CCDC62: variants seen among roughly 807,000 people sequenced by gnomAD.
CCDC62 encodes coiled-coil domain containing 62.
In CCDC62, 72 loss-of-function variants were observed where a neutral mutation model predicts 80.8. The ratio of observed to expected loss-of-function variants is 0.89; its 90% confidence interval spans 0.74 to 1.08. The LOEUF (loss-of-function observed/expected upper bound fraction) is 1.08. Among genes scored for constraint, CCDC62 ranks in the 50% least tolerant of loss-of-function variants. CCDC62 has a pLI of 0.00. For missense variants in CCDC62, 704 were observed against 809.4 expected, an observed-to-expected ratio of 0.87 and a Z score of 1.58; for synonymous variants, 286 against 296.5, an observed-to-expected ratio of 0.96 and a Z score of 0.36.
Position 122,813,199 on chromosome 12 carries a change from A to G in CCDC62, c.1852-71A>G. ...GAGCAAGAGAAAGAAAAAAGAAAAC[A>G]ATATTCCTAGGTAGTTAGCATTTGT... On this transcript the variant is annotated intron_variant, in intron 10 of 12. Coordinates refer to ENST00000253079, the MANE Select transcript of CCDC62 (RefSeq NM_201435.5). 3 of 1,448,960 alleles carry G rather than the reference A, an allele frequency of 2.1e-6. No individual in the cohort carries two copies. The South Asian group carries it at 4.0e-5, about 19-fold the overall frequency. 89.8% of individuals were successfully genotyped at this position (1,448,960 alleles called of 1,614,324 possible).
chr12:122,821,839 C>T (rs895107627), intron 11 of CCDC62, among the ~76,000 whole-genome samples: 3 of 152,052 alleles, frequency 2.0e-5, no homozygotes, highest in Admixed American at 1.3e-4. Flanking sequence ...AGTAGAATGA[C>T]TAAACCAGCT....
intron 11 of CCDC62, 41 bp from the exon 12 acceptor site, chr12:122,823,324 AG>A (rs751770259): frequency 2.1e-6 from 3 of 1,442,810 alleles, no homozygotes; most frequent in African/African-American, 2.8e-5. Context: ...AGAATTTTTT[AG>A]TTTCTCTATC....
rs1232817352 is a variant in CCDC62 at position 122,781,153 on chromosome 12, A to G, written c.230-11A>G. The G allele has an allele frequency of 5.6e-6, 9 of 1,599,966 alleles. No individual in the cohort carries two copies. Among genetic ancestry groups the G allele is most frequent in the Non-Finnish European group, 7.7e-6 (9 of 1,174,758 alleles). On this transcript the variant is annotated splice_polypyrimidine_tract_variant and intron_variant, in intron 2 of 12. Coordinates refer to ENST00000253079, the MANE Select transcript of CCDC62 (RefSeq NM_201435.5). ...AGGTGTGACTACAAATTATTGATGA[A>G]CTTCCCTCAGGTGAACTACATAAAA... is the stretch of plus-strand genomic sequence containing the variant.
At chr12:122,777,736 T>C in intron 2 of CCDC62, 53 bp downstream of exon 2, 6 of 1,494,170 alleles carry the variant, frequency 4.0e-6, no homozygotes, top group Non-Finnish European at 4.7e-6. Context: ...GCTAACACAT[T>C]GATGGGCTCA....
At chr12:122,812,564 C>A (rs1451399674) in intron 10 of CCDC62, among the ~76,000 whole-genome samples, 3 of 126,458 alleles carry the variant, frequency 2.4e-5, no homozygotes, top group African/African-American at 8.3e-5. Flanking sequence ...CGTGGTGAAA[C>A]CCCGTCTCTA....
chr12:122,821,999 C>A (rs1424492624), intron 11 of CCDC62, among the ~76,000 whole-genome samples: 1 of 147,880 alleles, frequency 6.8e-6, no homozygotes, highest in Non-Finnish European at 1.5e-5. Context: ...GAGGCTGAGG[C>A]AGGAGGATCA....
At chr12:122,814,689 T>G (rs10744401) in intron 11 of CCDC62, among the ~76,000 whole-genome samples, 131,464 of 151,870 alleles carry the variant, frequency 0.87, 57,594 homozygotes, top group East Asian at 0.99. Context: ...TGCATTTTTA[T>G]TAGAGACGGG....
rs144968855 is a variant in CCDC62 at position 122,792,409 on chromosome 12, C to T, written c.772+288C>T. Among the ~76,000 whole-genome samples, 158 of 151,728 alleles carry T rather than the reference C, an allele frequency of 1.0e-3. No homozygotes were observed. In the South Asian group the frequency reaches 0.013, roughly 12 times the overall value. On this transcript the variant is annotated intron_variant, in intron 6 of 12. Coordinates refer to ENST00000253079, the MANE Select transcript of CCDC62 (RefSeq NM_201435.5). ...CTAAATTTTGTATATTTAGTAGAGA[C>T]GGGGTTTCACCACATTGGTCAGGCT... is the stretch of plus-strand genomic sequence containing the variant.
rs1566079878 is a variant in CCDC62, at chr12:122,801,450, C to T, written c.1304C>T (p.Pro435Leu). The T allele has an allele frequency of 1.9e-6, 3 of 1,614,080 alleles. No individual in the cohort carries two copies. The East Asian group carries it at 6.7e-5, about 36-fold the overall frequency. The change falls in exon 9 of 13, where the codon CCA (proline) becomes CTA (leucine). Residue 435 changes from proline (P) to leucine (L), a missense_variant. By Grantham distance (98) the Pro-to-Leu change is moderately conservative. Transcript: ENST00000253079. ...TTGTGCAAGATCCACACAAAATCAC[C>T]AAAATGTCATGGCACTGGGGTTCAG... ...ITLCKIHTKS[P>L]KCHGTGVQNE...
intron 2 of CCDC62, 37 bp downstream of exon 2, chr12:122,777,720 C>T (rs761242132): frequency 3.2e-6 from 5 of 1,571,568 alleles, no homozygotes; most frequent in Admixed American, 1.7e-5. Flanking sequence ...TTATGCACTT[C>T]TGTGTGCTAA....
chr12:122,825,395 G>A (rs2032576992), intron 12 of CCDC62, among the ~76,000 whole-genome samples: 1 of 136,086 alleles, frequency 7.3e-6, no homozygotes, highest in African/African-American at 2.8e-5. Context: ...CTCCCAGTCT[G>A]GAGTGCAGTG....
chr12:122,780,669 T>A (rs528843370), intron 2 of CCDC62, among the ~76,000 whole-genome samples: 4 of 144,238 alleles, frequency 2.8e-5, no homozygotes, highest in East Asian at 2.1e-4. Flanking sequence ...TAAAATAAAA[T>A]AAAAAATAGA....
intron 11 of CCDC62, among the ~76,000 whole-genome samples, chr12:122,814,199 T>G (rs558355673): frequency 6.7e-5 from 10 of 148,512 alleles, no homozygotes; most frequent in African/African-American, 2.5e-4. Flanking sequence ...GAGAATTGCT[T>G]GAACCCCGGA....
At chr12:122,824,938 T>C (rs1432061229) in intron 12 of CCDC62, among the ~76,000 whole-genome samples, 1 of 151,580 alleles carries the variant, frequency 6.6e-6, no homozygotes, top group Admixed American at 6.6e-5. Flanking sequence ...TACAAAAAAT[T>C]AGCTGGGTTT....
chr12:122,785,532 C>T (rs1473290121), intron 3 of CCDC62, among the ~76,000 whole-genome samples, 187 bp from the exon 4 acceptor site: 4 of 152,206 alleles, frequency 2.6e-5, no homozygotes, highest in South Asian at 2.1e-4. Flanking sequence ...TGACTGCTTT[C>T]TTAGGCCACT....
chr12:122,781,315 C>T lies in CCDC62; in HGVS notation c.381C>T (p.Leu127=), dbSNP rs951426691. The T allele has an allele frequency of 1.9e-6, 3 of 1,613,680 alleles. No individual in the cohort carries two copies. Among genetic ancestry groups the T allele is most frequent in the Non-Finnish European group, 2.5e-6 (3 of 1,179,836 alleles). Residue 127 remains leucine, a synonymous_variant, in exon 3 of 13, where the codon CTC becomes CTT. Coordinates refer to ENST00000253079, the MANE Select transcript of CCDC62 (RefSeq NM_201435.5). ...AAAAGGCAACGCATTCTTCTCTTCT[C>T]TCTGAAGACCTTGAGGTTGGGATTA... ...MAQKATHSSL[L]SEDLEARNET... is the part of the protein sequence containing the mutation.
At chr12:122,801,893 A>C (rs1480550312) in intron 9 of CCDC62, 41 bp downstream of exon 9, 2 of 1,578,144 alleles carry the variant, frequency 1.3e-6, no homozygotes, top group African/African-American at 1.3e-5. Context: ...CGGAGCATGC[A>C]TGCCAGTATT....
intron 3 of CCDC62, among the ~76,000 whole-genome samples, chr12:122,782,591 T>C (rs1024617038): frequency 1.3e-5 from 2 of 152,046 alleles, no homozygotes; most frequent in African/African-American, 4.8e-5. Context: ...CCCGAGTAGC[T>C]GGGATTACAG....
At chr12:122,817,968 G>T (rs1001734981) in intron 11 of CCDC62, among the ~76,000 whole-genome samples, 1 of 152,090 alleles carries the variant, frequency 6.6e-6, no homozygotes, top group African/African-American at 2.4e-5. Flanking sequence ...TGCCACAGGC[G>T]GTCTCAGGGC....
Sources: allele counts gnomAD v4.1 joint callset (sites outside exome capture counted in the v4.1 genomes callset), GRCh38; gene constraint gnomAD v4.1.1; transcripts MANE v1.5; gene names NCBI Gene and HGNC (gene_info 2026-07-23, HGNC 2026-07-21).